The following ZFHX3 variants were observed in gnomAD, a reference collection of about 807,000 sequenced individuals.
ZFHX3 encodes zinc finger homeobox 3.
Under a neutral mutation model 279.1 loss-of-function variants are expected in ZFHX3, and 42 were observed. That is an observed-to-expected ratio of 0.15 (90% CI 0.12 to 0.19). The LOEUF is 0.19. ZFHX3 is among the 10% of genes least tolerant of loss of function. The pLI is 1.00. For synonymous variants in ZFHX3, 2,293 were observed against 1,957.8 expected (o/e 1.17, Z -4.52); for missense variants, 4,981 against 4,754.0 (o/e 1.05, Z -1.40).
chr16:73,048,656 C>G (rs893686708), upstream of ZFHX3, among the ~76,000 whole-genome samples: 6 of 152,234 alleles, frequency 3.9e-5, no homozygotes, highest in African/African-American at 1.4e-4. Context: ...GCTCCCTGGG[C>G]CCCGTCCACG....
intron 2 of ZFHX3, among the ~76,000 whole-genome samples, chr16:73,616,428 G>GAA (rs201127158): frequency 3.6e-4 from 46 of 128,262 alleles, no homozygotes; most frequent in African/African-American, 4.1e-4. Context: ...AACTATGGAG[G>GAA]AAAAAAAAAA....
chr16:73,784,436 T>C (rs1179343775), intron 1 of ZFHX3, among the ~76,000 whole-genome samples: 1 of 152,048 alleles, frequency 6.6e-6, no homozygotes. Context: ...ACAGATGCTG[T>C]CTTCCAAAAT....
intron 4 of ZFHX3, among the ~76,000 whole-genome samples, chr16:73,261,055 T>C (rs1279063755): frequency 6.6e-6 from 1 of 152,156 alleles, no homozygotes; most frequent in Non-Finnish European, 1.5e-5. Context: ...ACACACTTGT[T>C]AAAGGATTTA....
intron 4 of ZFHX3, among the ~76,000 whole-genome samples, chr16:73,308,480 G>C (rs992827142): frequency 3.3e-5 from 5 of 151,686 alleles, no homozygotes; most frequent in African/African-American, 1.2e-4. Context: ...TAGTAGAGAA[G>C]GGGTTTCACC....
At chr16:73,752,703 A>T (rs1227092341) in intron 1 of ZFHX3, among the ~76,000 whole-genome samples, 1 of 152,144 alleles carries the variant, frequency 6.6e-6, no homozygotes, top group Non-Finnish European at 1.5e-5. Context: ...GCCCTAACAA[A>T]ACCATGTCGA....
intron 4 of ZFHX3, among the ~76,000 whole-genome samples, chr16:72,838,645 A>G (rs1178234507): frequency 6.6e-6 from 1 of 151,922 alleles, no homozygotes; most frequent in East Asian, 1.9e-4. Flanking sequence ...CTCCCAGGCA[A>G]GGCCACTTGG....
chr16:73,708,532 C>T (rs1178180555), intron 1 of ZFHX3, among the ~76,000 whole-genome samples: 1 of 152,216 alleles, frequency 6.6e-6, no homozygotes, highest in Non-Finnish European at 1.5e-5. Flanking sequence ...TGTTCTAGTT[C>T]ATTCTCCTAA....
At chr16:73,203,707 G>C (rs1353138392) in intron 5 of ZFHX3, among the ~76,000 whole-genome samples, 1 of 152,202 alleles carries the variant, frequency 6.6e-6, no homozygotes, top group Admixed American at 6.5e-5. Flanking sequence ...AATGCTCATA[G>C]TAATAATACT....
chr16:73,045,427 C>G lies in ZFHX3; in HGVS notation c.-50+2325G>C, dbSNP rs141888850. Reference sequence around the variant, plus strand: ...TTGCCACTGGGCTGTCCAATTGGCACTGAGTTGACACAGCAGTTAAATTCA... The same window carrying G: ...TTGCCACTGGGCTGTCCAATTGGCAGTGAGTTGACACAGCAGTTAAATTCA... On this transcript the variant is annotated intron_variant, in intron 1 of 9. Coordinates refer to ENST00000268489, the MANE Select transcript of ZFHX3 (RefSeq NM_006885.4). 2.3e-4 allele frequency among the ~76,000 whole-genome samples: 35 copies of G among 152,256 alleles called. No individual in the cohort carries two copies. In the East Asian group the frequency reaches 5.2e-3, roughly 23 times the overall value.
intron 5 of ZFHX3, among the ~76,000 whole-genome samples, chr16:73,243,746 G>T (rs566117619): frequency 7.2e-4 from 107 of 149,566 alleles, no homozygotes; most frequent in African/African-American, 2.3e-3. Flanking sequence ...AACACGTTTT[G>T]TGTGTGTGTG....
chr16:73,572,360 C>T (rs2051750755), intron 2 of ZFHX3, among the ~76,000 whole-genome samples: 1 of 152,166 alleles, frequency 6.6e-6, no homozygotes, highest in Admixed American at 6.5e-5. Flanking sequence ...CCCGGCCTGG[C>T]CATCTGCCAA....
At chr16:73,097,150 C>A (rs1403576867) in intron 7 of ZFHX3, among the ~76,000 whole-genome samples, 1 of 151,812 alleles carries the variant, frequency 6.6e-6, no homozygotes, top group African/African-American at 2.4e-5. Flanking sequence ...ACCTCCCAGG[C>A]TCAAGCAGTT....
intron 1 of ZFHX3, among the ~76,000 whole-genome samples, chr16:72,992,540 G>C (rs58563212): frequency 6.6e-6 from 1 of 151,850 alleles, no homozygotes; most frequent in Non-Finnish European, 1.5e-5. Flanking sequence ...ATTCCCTAGG[G>C]GGGTGCCTCC....
chr16:73,742,357 G>C (rs1049455332), intron 1 of ZFHX3, among the ~76,000 whole-genome samples: 1 of 152,238 alleles, frequency 6.6e-6, no homozygotes, highest in Non-Finnish European at 1.5e-5. Context: ...GAGGGTGTGT[G>C]GGTATTAATA....
chr16:73,748,640 C>T (rs892747358), intron 1 of ZFHX3, among the ~76,000 whole-genome samples: 2 of 152,176 alleles, frequency 1.3e-5, no homozygotes, highest in Non-Finnish European at 2.9e-5. Context: ...CCAGGCTTAT[C>T]TACATTCATT....
intron 7 of ZFHX3, among the ~76,000 whole-genome samples, chr16:73,105,457 A>ATTTT (rs370445292): frequency 0.011 from 1,382 of 120,474 alleles, 25 homozygotes; most frequent in Non-Finnish European, 0.016. Context: ...ATATATATAT[A>ATTTT]TTTTTTCCCC....
intron 3 of ZFHX3, among the ~76,000 whole-genome samples, chr16:73,436,789 T>C (rs1453759284): frequency 6.6e-6 from 1 of 152,108 alleles, no homozygotes; most frequent in Non-Finnish European, 1.5e-5. Context: ...GGGTGGGGAA[T>C]GGCTTCCTTC....
intron 2 of ZFHX3, among the ~76,000 whole-genome samples, chr16:73,595,939 T>G (rs1294994895): frequency 1.3e-5 from 2 of 152,210 alleles, no homozygotes; most frequent in Non-Finnish European, 2.9e-5. Context: ...TCCACTGCCC[T>G]ATGCCAGACC....
At chr16:73,168,211 T>TTTTCTTTCTCTTTCTTTC (rs1967424271) in intron 5 of ZFHX3, among the ~76,000 whole-genome samples, 3 of 95,222 alleles carry the variant, frequency 3.2e-5, no homozygotes, top group African/African-American at 8.0e-5. Flanking sequence ...GTTTCTTTTG[T>TTTTCTTTCTCTTTCTTTC]TTTCTTTCTT....
Sources: gnomAD v4.1 joint callset for allele counts (sites outside exome capture counted in the v4.1 genomes callset) on GRCh38, gnomAD v4.1.1 for gene constraint, MANE v1.5 for transcripts, NCBI Gene and HGNC (gene_info 2026-07-23, HGNC 2026-07-21) for gene names.